The following KLF17 variants were observed in gnomAD, a reference collection of about 807,000 sequenced individuals.
The protein encoded by KLF17 is Krueppel-like factor 17.
KLF17 carries 31 observed loss-of-function variants against 34.2 expected under a neutral mutation model. That is an observed-to-expected ratio of 0.91 (90% confidence interval 0.68 to 1.22). The LOEUF (loss-of-function observed/expected upper bound fraction) is 1.22, where lower values mean the gene tolerates loss of function less well. Ranked by LOEUF, KLF17 falls within the 50% of genes most tolerant of loss-of-function variation. The pLI is 0.00. For synonymous variants in KLF17, 179 were observed against 186.7 expected (o/e 0.96, Z 0.34); for missense variants, 478 against 505.2 (o/e 0.95, Z 0.52).
chr1:44,085,844 G>C, the KLF17 span, among the ~76,000 whole-genome samples: 4 of 147,686 alleles, frequency 2.7e-5, no homozygotes, highest in African/African-American at 5.0e-5. Flanking sequence ...GAGAGAGAGA[G>C]AGCAATGGCA....
the KLF17 span, among the ~76,000 whole-genome samples, chr1:44,113,180 T>C: frequency 0.047 from 7,139 of 152,268 alleles, 222 homozygotes; most frequent in African/African-American, 0.091. Flanking sequence ...GTGGGAGGAT[T>C]TCTTGAGCCC....
the KLF17 span, among the ~76,000 whole-genome samples, chr1:44,092,818 T>C: frequency 3.3e-5 from 5 of 151,330 alleles, no homozygotes; most frequent in African/African-American, 9.7e-5. Context: ...CACTATGTAA[T>C]CTATTCATGT....
chr1:44,062,079 T>C, the KLF17 span, among the ~76,000 whole-genome samples: 8 of 152,338 alleles, frequency 5.3e-5, no homozygotes, highest in Admixed American at 4.6e-4. Flanking sequence ...GCTCTTGAAT[T>C]CTTTCCTGAG....
chr1:44,094,809 T>C, the KLF17 span, among the ~76,000 whole-genome samples: 1 of 152,180 alleles, frequency 6.6e-6, no homozygotes, highest in Non-Finnish European at 1.5e-5. Context: ...TTGCTCAGGA[T>C]GGCTTTTACT....
At chr1:44,113,057 T>C in the KLF17 span, among the ~76,000 whole-genome samples, 2 of 152,222 alleles carry the variant, frequency 1.3e-5, no homozygotes, top group African/African-American at 4.8e-5. Flanking sequence ...TGTAACTGCT[T>C]CCTGGACATT....
chr1:44,122,130 T>C, intron 1 of KLF17: 1 of 1,418,834 alleles, frequency 7.0e-7, no homozygotes, highest in East Asian at 2.3e-5. Context: ...CGTATGACTT[T>C]GAAACAGTAA....
chr1:44,076,243 G>C, the KLF17 span: 4 of 152,222 alleles, frequency 2.6e-5, no homozygotes, highest in African/African-American at 9.6e-5. Context: ...GAAAAGGGAG[G>C]AAACCAGGAA....
Position 44,118,937 on chromosome 1 carries a change from A to G in KLF17, c.30A>G (p.Glu10=), listed in dbSNP as rs1428410223. MYGRPQAEM[E]QEAGELSRWQ... ...ACGGCCGACCGCAGGCTGAGATGGA[A>G]CAGGAGGCTGGGGAGCTGAGCCGGT... is the stretch of plus-strand genomic sequence containing the variant. The change falls in exon 1 of 4, where the codon GAA becomes GAG. Residue 10 remains glutamate (E), a synonymous_variant. Coordinates refer to ENST00000372299, the MANE Select transcript of KLF17 (RefSeq NM_173484.4). 5 of 1,612,356 alleles carry G rather than the reference A, an allele frequency of 3.1e-6. No individual in the cohort carries two copies. Among genetic ancestry groups the G allele is most frequent in the South Asian group, 1.1e-5 (1 of 90,768 alleles).
At chr1:44,128,207 A>G (rs565973004) in intron 1 of KLF17, among the ~76,000 whole-genome samples, 38 of 151,924 alleles carry the variant, frequency 2.5e-4, no homozygotes, top group African/African-American at 9.2e-4. Context: ...TCAGCCTCCC[A>G]AGTAGCTGGG....
chr1:44,093,658 G>C, the KLF17 span, among the ~76,000 whole-genome samples: 1 of 152,194 alleles, frequency 6.6e-6, no homozygotes, highest in African/African-American at 2.4e-5. Context: ...GCCTCCCAAA[G>C]TGCTGGGATT....
At chr1:44,116,857 T>C (rs1347444683), upstream of KLF17, among the ~76,000 whole-genome samples, 1 of 152,208 alleles carries the variant, frequency 6.6e-6, no homozygotes, top group Non-Finnish European at 1.5e-5. Context: ...CAAGTTTACA[T>C]TTACAGCCCT....
At chr1:44,093,215 G>A in the KLF17 span, among the ~76,000 whole-genome samples, 1 of 150,960 alleles carries the variant, frequency 6.6e-6, no homozygotes, top group African/African-American at 2.4e-5. Flanking sequence ...CAGCTGGTTG[G>A]GGGCCTGTGA....
chr1:44,091,374 G>A, the KLF17 span, among the ~76,000 whole-genome samples: 2 of 151,824 alleles, frequency 1.3e-5, no homozygotes, highest in African/African-American at 4.8e-5. Flanking sequence ...CATACCTCTG[G>A]GCCAGGCACT....
the KLF17 span, among the ~76,000 whole-genome samples, chr1:44,065,876 TC>T: frequency 0.44 from 66,516 of 151,942 alleles, 14,844 homozygotes; most frequent in East Asian, 0.57. Context: ...TAGAAGTAAT[TC>T]AATAGAAAAA....
chr1:44,062,683 T>C, the KLF17 span, among the ~76,000 whole-genome samples: 1 of 146,090 alleles, frequency 6.8e-6, no homozygotes, highest in African/African-American at 2.6e-5. Flanking sequence ...GCCACTGTAC[T>C]CCAGCCTGAG....
chr1:44,123,221 G>T (rs1194801822), intron 1 of KLF17, among the ~76,000 whole-genome samples: 1 of 151,850 alleles, frequency 6.6e-6, no homozygotes, highest in Non-Finnish European at 1.5e-5. Context: ...ACTATACCTG[G>T]CAATTTTTAG....
the KLF17 span, among the ~76,000 whole-genome samples, chr1:44,101,935 TC>T: frequency 4.6e-5 from 7 of 152,110 alleles, no homozygotes; most frequent in African/African-American, 1.7e-4. Flanking sequence ...GCACATGTAG[TC>T]CCAGCTGCTC....
the KLF17 span, among the ~76,000 whole-genome samples, chr1:44,087,755 TATATATATATATATACACACACACAC>T: frequency 2.0e-3 from 134 of 68,008 alleles, no homozygotes; most frequent in African/African-American, 8.4e-3. Flanking sequence ...TATATATATA[TATATATATATATATACACACACACAC>T]ACACACACAC....
chr1:44,119,481 A>G (rs1237162880), intron 1 of KLF17, among the ~76,000 whole-genome samples: 2 of 152,148 alleles, frequency 1.3e-5, no homozygotes, highest in African/African-American at 4.8e-5. Context: ...TGGAAATACA[A>G]TGATGAATTT....
Sources: gnomAD v4.1 joint callset for allele counts (sites outside exome capture counted in the v4.1 genomes callset) on GRCh38, gnomAD v4.1.1 for gene constraint, MANE v1.5 for transcripts, NCBI Gene and HGNC (gene_info 2026-07-23, HGNC 2026-07-21) for gene names.